The following WDR70 variants were observed in gnomAD, a reference collection of about 807,000 sequenced individuals.
WDR70 encodes the protein WD repeat domain 70, also known as WD repeat-containing protein 70.
Under a neutral mutation model 88.6 loss-of-function variants are expected in WDR70, and 53 were observed. The observed-to-expected ratio is 0.60, with a 90% CI of 0.48 to 0.75. The LOEUF (loss-of-function observed/expected upper bound fraction) is 0.75. Among genes scored for constraint, WDR70 ranks in the 30% least tolerant of loss-of-function variants. The pLI, the probability that WDR70 is intolerant of heterozygous loss-of-function variation, is 0.00. For synonymous variants in WDR70, 280 were observed against 270.0 expected (o/e 1.04, Z -0.36); for missense variants, 610 against 823.2 (o/e 0.74, Z 3.17).
intron 10 of WDR70, among the ~76,000 whole-genome samples, chr5:37,622,952 G>C (rs1744557423): frequency 6.6e-6 from 1 of 151,940 alleles, no homozygotes; most frequent in African/African-American, 2.4e-5. Flanking sequence ...ATTCTAAATA[G>C]AATATAGCAA....
chr5:37,502,374 G>A (rs960114125), intron 8 of WDR70, among the ~76,000 whole-genome samples: 3 of 151,934 alleles, frequency 2.0e-5, no homozygotes, highest in Non-Finnish European at 4.4e-5. Context: ...GGAGAGGTGG[G>A]GATTCTTTTC....
chr5:37,430,841 C>G (rs867536020), intron 5 of WDR70, among the ~76,000 whole-genome samples: 13 of 151,590 alleles, frequency 8.6e-5, no homozygotes, highest in African/African-American at 3.2e-4. Flanking sequence ...ATTACAGATG[C>G]GAGCCACCGT....
chr5:37,505,750 C>A (rs751288397), intron 8 of WDR70: 1 of 1,353,004 alleles, frequency 7.4e-7, no homozygotes, highest in East Asian at 2.3e-5. Context: ...GCTCCCTACA[C>A]GTTGGACCCT....
rs148210135 is a variant in WDR70 at position 37,722,348 on chromosome 5, A to C, written c.1518-507A>C. 476 of 158,320 alleles carry C rather than the reference A, an allele frequency of 3.0e-3. 6 individuals carry two copies. Among genetic ancestry groups the C allele is most frequent in the African/African-American group, 0.011 (459 of 41,622 alleles). 9.8% of individuals were successfully genotyped at this position (158,320 alleles called of 1,614,324 possible). On this transcript the variant is annotated intron_variant, in intron 14 of 17. Coordinates refer to ENST00000265107, the MANE Select transcript of WDR70 (RefSeq NM_018034.4). Reference sequence around the variant, plus strand: ...TAAGGAGAAGTGCAATGTTCTAAGCACATTTTTGGTTAATCCCACACATTC... The same window carrying C: ...TAAGGAGAAGTGCAATGTTCTAAGCCCATTTTTGGTTAATCCCACACATTC...
At chr5:37,540,864 CTTG>C (rs543217994) in intron 9 of WDR70, among the ~76,000 whole-genome samples, 94 of 152,200 alleles carry the variant, frequency 6.2e-4, no homozygotes, top group Non-Finnish European at 1.1e-3. Flanking sequence ...TGTGAATCTA[CTTG>C]TTGTATGTTT....
chr5:37,421,342 A>G (rs760515464), intron 5 of WDR70, among the ~76,000 whole-genome samples: 26 of 152,208 alleles, frequency 1.7e-4, no homozygotes, highest in Non-Finnish European at 3.1e-4. Flanking sequence ...CATGCATTCC[A>G]GAATACTTTT....
At chr5:37,720,595 G>A (rs1387424128) in intron 13 of WDR70, among the ~76,000 whole-genome samples, 1 of 152,164 alleles carries the variant, frequency 6.6e-6, no homozygotes, top group Non-Finnish European at 1.5e-5. Context: ...TTGTCCTGCT[G>A]TTTTATCTCA....
chr5:37,713,079 A>G (rs1421264883), intron 13 of WDR70, among the ~76,000 whole-genome samples: 1 of 152,168 alleles, frequency 6.6e-6, no homozygotes, highest in East Asian at 1.9e-4. Flanking sequence ...TCTCTATTCT[A>G]TGTTCTCTTC....
At chr5:37,540,849 C>A (rs950107582) in intron 9 of WDR70, among the ~76,000 whole-genome samples, 16 of 152,226 alleles carry the variant, frequency 1.1e-4, no homozygotes, top group South Asian at 2.1e-4. Context: ...GATTTTCTCA[C>A]TCTTTGTGAA....
chr5:37,424,991 C>G (rs1750077676), intron 5 of WDR70, among the ~76,000 whole-genome samples: 1 of 152,176 alleles, frequency 6.6e-6, no homozygotes, highest in African/African-American at 2.4e-5. Flanking sequence ...CGCCTGTAAT[C>G]CCAGCACTTT....
chr5:37,712,970 G>C (rs1312037462), intron 13 of WDR70, among the ~76,000 whole-genome samples: 2 of 152,148 alleles, frequency 1.3e-5, no homozygotes, highest in Non-Finnish European at 2.9e-5. Context: ...CCAAGGCGAT[G>C]AGTGAGCCAT....
At chr5:37,746,213 G>A (rs1581545169) in intron 17 of WDR70, among the ~76,000 whole-genome samples, 1 of 152,142 alleles carries the variant, frequency 6.6e-6, no homozygotes, top group African/African-American at 2.4e-5. Context: ...AAATAAAGAA[G>A]TTCTTTGAAA....
intron 17 of WDR70, among the ~76,000 whole-genome samples, chr5:37,745,677 A>G (rs1349709458): frequency 1.3e-5 from 2 of 152,208 alleles, no homozygotes. Context: ...CAAAAAAGGC[A>G]AAGAAGGGCA....
chr5:37,429,387 G>C (rs1276247354), intron 5 of WDR70, among the ~76,000 whole-genome samples: 1 of 151,680 alleles, frequency 6.6e-6, no homozygotes. Flanking sequence ...TTTCTTTTTG[G>C]TGTGTATTTT....
intron 17 of WDR70, among the ~76,000 whole-genome samples, chr5:37,751,818 G>A (rs911228273): frequency 2.6e-5 from 4 of 152,254 alleles, no homozygotes; most frequent in South Asian, 2.1e-4. Flanking sequence ...TCATTGAACC[G>A]GTATGTTTAC....
intron 17 of WDR70, among the ~76,000 whole-genome samples, chr5:37,729,260 C>T (rs1412318187): frequency 2.0e-5 from 3 of 152,268 alleles, no homozygotes; most frequent in Non-Finnish European, 2.9e-5. Flanking sequence ...TGATTAGAAA[C>T]GAAAGGCTGT....
At chr5:37,595,704 A>G (rs1743681751) in intron 9 of WDR70, among the ~76,000 whole-genome samples, 1 of 152,216 alleles carries the variant, frequency 6.6e-6, no homozygotes, top group African/African-American at 2.4e-5. Flanking sequence ...AATTACACAT[A>G]TTAACATTTA....
At chr5:37,516,401 C>A in intron 8 of WDR70, 113 bp from the exon 9 acceptor site, 2 of 526,818 alleles carry the variant, frequency 3.8e-6, no homozygotes, top group South Asian at 2.8e-5. Flanking sequence ...AAAATGGTGC[C>A]CTTTTGGGGG....
intron 13 of WDR70, among the ~76,000 whole-genome samples, chr5:37,714,157 G>A (rs1747591551): frequency 6.6e-6 from 1 of 152,188 alleles, no homozygotes; most frequent in African/African-American, 2.4e-5. Context: ...TATACAGGAA[G>A]ATTCAGCTTT....
Sources: gnomAD v4.1 joint callset for allele counts (sites outside exome capture counted in the v4.1 genomes callset) on GRCh38, gnomAD v4.1.1 for gene constraint, MANE v1.5 for transcripts, NCBI Gene and HGNC (gene_info 2026-07-23, HGNC 2026-07-21) for gene names.